The following SLC25A13 variants were observed in gnomAD, a reference collection of about 807,000 sequenced individuals.
SLC25A13 encodes electrogenic aspartate/glutamate antiporter SLC25A13, mitochondrial.
A neutral mutation model predicts 85.5 loss-of-function variants in SLC25A13; 70 were observed. That is an observed-to-expected ratio of 0.82 (90% CI 0.68 to 1.00). The LOEUF (loss-of-function observed/expected upper bound fraction) is 1.00. Among genes scored for constraint, SLC25A13 ranks in the 50% least tolerant of loss-of-function variants. SLC25A13 has a pLI of 0.00. For synonymous variants in SLC25A13, 259 were observed against 288.7 expected (o/e 0.90, Z 1.04); for missense variants, 765 against 819.8 (o/e 0.93, Z 0.82).
At chr7:96,138,571 A>T (rs188762688) in intron 14 of SLC25A13, among the ~76,000 whole-genome samples, 3 of 151,966 alleles carry the variant, frequency 2.0e-5, no homozygotes, top group Admixed American at 2.0e-4. Context: ...AATTAAAAAA[A>T]TATTTTTGTG....
intron 2 of SLC25A13, among the ~76,000 whole-genome samples, chr7:96,294,767 T>A (rs1584583676): frequency 1.3e-5 from 2 of 152,252 alleles, no homozygotes; most frequent in Middle Eastern, 6.8e-3. Context: ...AGCCTCAAAT[T>A]CCTAGGCTCA....
At chr7:96,294,291 G>A (rs1431731628) in intron 2 of SLC25A13, among the ~76,000 whole-genome samples, 1 of 148,780 alleles carries the variant, frequency 6.7e-6, no homozygotes, top group Non-Finnish European at 1.5e-5. Context: ...GGGGTGGGGG[G>A]AGGAGGGAGG....
At chr7:96,286,901 A>C (rs1486719533) in intron 2 of SLC25A13, among the ~76,000 whole-genome samples, 2 of 152,134 alleles carry the variant, frequency 1.3e-5, no homozygotes, top group Admixed American at 1.3e-4. Flanking sequence ...CTACCATCAC[A>C]CCTGGTGTGA....
chr7:96,214,224 C>T lies in SLC25A13; in HGVS notation c.329-5247G>A, dbSNP rs538426991. Among the ~76,000 whole-genome samples, 15 of 152,194 alleles carry T rather than the reference C, an allele frequency of 9.9e-5. No individual in the cohort carries two copies. The South Asian group carries it at 3.1e-3, about 32-fold the overall frequency. On this transcript the variant is annotated intron_variant, in intron 4 of 17. Coordinates refer to ENST00000265631, the MANE Select transcript of SLC25A13 (RefSeq NM_014251.3). ...CTATTTCTCCCAAGTTAGTAAGTTT[C>T]CCAGGCTACAGGGTATGGTTATAGT...
intron 9 of SLC25A13, among the ~76,000 whole-genome samples, chr7:96,185,726 T>C (rs957590176): frequency 1.3e-5 from 2 of 151,498 alleles, no homozygotes; most frequent in African/African-American, 4.9e-5. Flanking sequence ...CCGTCTCTAC[T>C]AAAAATACAA....
rs1187998958 is a variant in SLC25A13 at position 96,191,210 on chromosome 7, G to C, written c.653C>G (p.Ser218Cys). 6.2e-7 allele frequency: 1 copy of C among 1,613,960 alleles called. No homozygotes were observed. Among genetic ancestry groups the C allele is most frequent in the Non-Finnish European group, 8.5e-7 (1 of 1,179,960 alleles). The change falls in exon 7 of 18, where the codon TCC (serine) becomes TGC (cysteine). Residue 218 changes from serine to cysteine, a missense_variant. Physicochemically the swap from Ser to Cys is moderately radical, Grantham distance 112. Coordinates refer to ENST00000265631, the MANE Select transcript of SLC25A13 (RefSeq NM_014251.3). ...GGTTSHQVSF[S>C]YFNGFNSLLN... Reference sequence around the variant, plus strand: ...GAGCGAATTAAATCCATTAAAATAGGAGAAACTAACTTGATGGGATGTGGT... The same window carrying C: ...GAGCGAATTAAATCCATTAAAATAGCAGAAACTAACTTGATGGGATGTGGT...
chr7:96,129,502 T>C (rs1434410164), intron 15 of SLC25A13, among the ~76,000 whole-genome samples: 2 of 152,202 alleles, frequency 1.3e-5, no homozygotes, highest in Admixed American at 1.3e-4. Context: ...GGAAAAAGCA[T>C]ACTACTAGCT....
Position 96,233,416 on chromosome 7 carries a change from G to A in SLC25A13, c.328+1386C>T, listed in dbSNP as rs1309345575. The stretch of plus-strand genomic sequence containing the variant: ...GTGGTGCTAAGAGGAACTGGGTGAT[G>A]GAAATAAATTTCTTCTGAGGATCTG... On this transcript the variant is annotated intron_variant, in intron 4 of 17. Coordinates refer to ENST00000265631, the MANE Select transcript of SLC25A13 (RefSeq NM_014251.3). Among the ~76,000 whole-genome samples, 3 of 152,120 alleles carry A rather than the reference G, an allele frequency of 2.0e-5. No homozygotes were observed. In the East Asian group the frequency reaches 5.8e-4, roughly 29 times the overall value.
chr7:96,313,155 G>A (rs1584610799), intron 1 of SLC25A13, among the ~76,000 whole-genome samples: 1 of 152,156 alleles, frequency 6.6e-6, no homozygotes, highest in Admixed American at 6.5e-5. Flanking sequence ...AAAAGTGCAG[G>A]GCTAGAGCTT....
At chr7:96,207,040 A>G (rs970835173) in intron 5 of SLC25A13, among the ~76,000 whole-genome samples, 6 of 152,156 alleles carry the variant, frequency 3.9e-5, no homozygotes, top group African/African-American at 1.4e-4. Flanking sequence ...CAGCACAACA[A>G]TGTCCTGTGG....
At chr7:96,157,463 T>C (rs983238633) in intron 13 of SLC25A13, among the ~76,000 whole-genome samples, 2 of 152,216 alleles carry the variant, frequency 1.3e-5, no homozygotes, top group Admixed American at 1.3e-4. Context: ...TTGTTGACAC[T>C]TCTGGTTTGG....
intron 10 of SLC25A13, 67 bp downstream of exon 10, chr7:96,184,860 A>G: frequency 7.6e-7 from 1 of 1,307,420 alleles, no homozygotes. Context: ...ACATTTCAAG[A>G]TGGAAAATCA....
chr7:96,281,706 C>T (rs1375850778), intron 2 of SLC25A13, among the ~76,000 whole-genome samples: 1 of 152,130 alleles, frequency 6.6e-6, no homozygotes, highest in Non-Finnish European at 1.5e-5. Context: ...TATATTTCAA[C>T]AGTTTACATT....
At position 96,121,836 on chromosome 7, in the gene SLC25A13, T is replaced by A; in HGVS notation, c.1750+3A>T. 6.2e-7 allele frequency: 1 copy of A among 1,614,232 alleles called. No homozygotes were observed. The highest frequency in any genetic ancestry group is 8.5e-7 in the Non-Finnish European group (1 of 1,180,028). ...GTTAGTTAAGAACACATTATTTCCA[T>A]ACCACCAGCTCCCTTCCACAGAGCT... On this transcript the variant is annotated splice_donor_region_variant and intron_variant, in intron 16 of 17. Transcript: ENST00000265631.
chr7:96,134,813 A>ATATATATATATAT (rs1554337551), intron 14 of SLC25A13, among the ~76,000 whole-genome samples: 20 of 142,952 alleles, frequency 1.4e-4, no homozygotes, highest in Middle Eastern at 3.6e-3. Context: ...ATATATATAT[A>ATATATATATATAT]ACCCTGAGGA....
At chr7:96,209,226 T>A (rs1196302200) in intron 4 of SLC25A13, among the ~76,000 whole-genome samples, 1 of 151,396 alleles carries the variant, frequency 6.6e-6, no homozygotes, top group African/African-American at 2.4e-5. Context: ...ACACACAACC[T>A]AAAGGCTGTA....
At chr7:96,245,025 A>G (rs1386925989) in intron 3 of SLC25A13, among the ~76,000 whole-genome samples, 4 of 152,100 alleles carry the variant, frequency 2.6e-5, no homozygotes, top group Admixed American at 2.6e-4. Context: ...CCATACTGCC[A>G]GCTCTACTTG....
chr7:96,174,805 C>T (rs1794151358), intron 11 of SLC25A13, among the ~76,000 whole-genome samples: 2 of 152,196 alleles, frequency 1.3e-5, no homozygotes, highest in African/African-American at 4.8e-5. Context: ...TTATCCTTCT[C>T]ACCATAAATT....
intron 2 of SLC25A13, among the ~76,000 whole-genome samples, chr7:96,292,113 G>A (rs1341047289): frequency 6.6e-6 from 1 of 152,194 alleles, no homozygotes; most frequent in African/African-American, 2.4e-5. Context: ...TGGGGTGCAA[G>A]GCTGGTTCAA....
Sources: gnomAD v4.1 joint callset for allele counts (sites outside exome capture counted in the v4.1 genomes callset) on GRCh38, gnomAD v4.1.1 for gene constraint, MANE v1.5 for transcripts, NCBI Gene and HGNC (gene_info 2026-07-23, HGNC 2026-07-21) for gene names.